Variants in EHBP1 observed in about 807,000 individuals in gnomAD.
EHBP1 encodes EH domain-binding protein 1.
EHBP1 carries 55 observed loss-of-function variants against 144.0 expected under a neutral mutation model. The observed-to-expected ratio is 0.38, with a 90% CI of 0.31 to 0.48. The LOEUF (loss-of-function observed/expected upper bound fraction) is 0.48. EHBP1 is among the 20% of genes least tolerant of loss of function. EHBP1 has a pLI of 0.98. For synonymous variants in EHBP1, 469 were observed against 472.7 expected, an observed-to-expected ratio of 0.99 and a Z score of 0.10; for missense variants, 1,200 against 1,364.2, an observed-to-expected ratio of 0.88 and a Z score of 1.90.
At chr2:62,750,911 A>G (rs573960941) in intron 3 of EHBP1, among the ~76,000 whole-genome samples, 15 of 152,318 alleles carry the variant, frequency 9.8e-5, no homozygotes, top group East Asian at 1.9e-4. Flanking sequence ...TTCTAAATAT[A>G]CAATCATGTC....
At chr2:62,820,737 AATATATATATATATATATATAT>A (rs57039974) in intron 5 of EHBP1, among the ~76,000 whole-genome samples, 39 of 54,644 alleles carry the variant, frequency 7.1e-4, no homozygotes, top group East Asian at 3.6e-3. Flanking sequence ...GTGTGTGTAT[AATATATATATATATATATATAT>A]ATATATATAT....
At chr2:62,919,918 C>G (rs1232358280) in intron 10 of EHBP1, among the ~76,000 whole-genome samples, 1 of 151,938 alleles carries the variant, frequency 6.6e-6, no homozygotes, top group Non-Finnish European at 1.5e-5. Flanking sequence ...TTTGAGCAGG[C>G]AGAAGAGAGA....
intron 1 of EHBP1, among the ~76,000 whole-genome samples, chr2:62,683,426 G>A (rs754971451): frequency 2.6e-5 from 4 of 152,184 alleles, no homozygotes; most frequent in South Asian, 2.1e-4. Flanking sequence ...TTGGGAGGCC[G>A]AGGTGGGTGG....
intron 10 of EHBP1, among the ~76,000 whole-genome samples, chr2:62,880,635 C>T (rs184010362): frequency 6.8e-4 from 103 of 152,118 alleles, no homozygotes; most frequent in African/African-American, 2.2e-3. Flanking sequence ...ATGTGGCCAT[C>T]GAGTATATGA....
Position 62,996,691 on chromosome 2 carries a change from C to A in EHBP1, c.3028C>A (p.Leu1010Ile). 1.9e-6 allele frequency: 3 copies of A among 1,613,344 alleles called. No homozygotes were observed. The highest frequency in any genetic ancestry group is 2.5e-6 in the Non-Finnish European group (3 of 1,179,630). ...SQYVVGELAA[L>I]ENEQKQIDTR... is the part of the protein sequence containing the mutation. Reference sequence around the variant, plus strand: ...GTATGTAGTAGGAGAATTGGCAGCACTAGAGAATGAGCAAAAGCAAATTGA... The same window carrying A: ...GTATGTAGTAGGAGAATTGGCAGCAATAGAGAATGAGCAAAAGCAAATTGA... The change falls in exon 19 of 23, where the codon CTA becomes ATA. Residue 1010 changes from leucine to isoleucine, a missense_variant. Leu to Ile is a conservative substitution (Grantham distance 5, BLOSUM62 2). This residue lies in a region of EHBP1 where 149 missense variants were observed against 217.0 expected (regional missense o/e 0.69). Coordinates refer to ENST00000431489, the MANE Select transcript of EHBP1 (RefSeq NM_001142616.3).
intron 2 of EHBP1, among the ~76,000 whole-genome samples, chr2:62,730,686 CAGAG>C (rs1351345599): frequency 6.8e-6 from 1 of 146,558 alleles, no homozygotes; most frequent in Admixed American, 6.8e-5. Context: ...GAGAGAAGGA[CAGAG>C]AGAGACAGAC....
At chr2:62,783,096 G>C (rs998496424) in intron 5 of EHBP1, among the ~76,000 whole-genome samples, 1 of 152,176 alleles carries the variant, frequency 6.6e-6, no homozygotes, top group Admixed American at 6.5e-5. Flanking sequence ...AAATCCAACA[G>C]GGCAGTCATT....
chr2:62,795,130 G>C (rs1179913086), intron 5 of EHBP1, among the ~76,000 whole-genome samples: 2 of 151,986 alleles, frequency 1.3e-5, no homozygotes, highest in Non-Finnish European at 2.9e-5. Context: ...CACAGGTCAA[G>C]CCTCTTTTAA....
At position 62,729,514 on chromosome 2, in the gene EHBP1, A is replaced by T. The variant is rs12996031; in HGVS notation, c.105-17881A>T. ...ATATAAATATATAATAAATATAATA[A>T]AATAAATAAATATAATATATATAAT... On this transcript the variant is annotated intron_variant, in intron 2 of 22. Coordinates refer to ENST00000431489, the MANE Select transcript of EHBP1 (RefSeq NM_001142616.3). 1.3e-3 allele frequency among the ~76,000 whole-genome samples: 151 copies of T among 113,798 alleles called. 1 individual carries two copies. The highest frequency in any genetic ancestry group is 3.1e-3 in the Admixed American group (27 of 8,746). The allele number at this position is 113,798 out of a possible 152,430, so 74.7% of individuals were successfully genotyped here.
At chr2:62,912,165 G>C (rs540250984) in intron 10 of EHBP1, among the ~76,000 whole-genome samples, 9 of 152,182 alleles carry the variant, frequency 5.9e-5, no homozygotes, top group African/African-American at 2.2e-4. Context: ...AGCTTTTCAA[G>C]ATAGTCATCA....
At chr2:62,981,240 T>C (rs941166622) in intron 15 of EHBP1, among the ~76,000 whole-genome samples, 2 of 152,196 alleles carry the variant, frequency 1.3e-5, no homozygotes, top group Non-Finnish European at 2.9e-5. Flanking sequence ...TTTGCTGTCA[T>C]TTATCATTAA....
chr2:62,985,874 G>A (rs1384494230), intron 15 of EHBP1, among the ~76,000 whole-genome samples: 3 of 152,094 alleles, frequency 2.0e-5, no homozygotes, highest in Non-Finnish European at 2.9e-5. Flanking sequence ...CACCATACAT[G>A]GTATTATAGT....
intron 6 of EHBP1, among the ~76,000 whole-genome samples, chr2:62,830,136 A>G (rs1233797023): frequency 7.8e-6 from 1 of 128,992 alleles, no homozygotes; most frequent in African/African-American, 2.8e-5. Context: ...TGTGGTGCAT[A>G]TATATATATA....
intron 4 of EHBP1, among the ~76,000 whole-genome samples, chr2:62,766,566 C>T (rs975487515): frequency 2.6e-5 from 4 of 152,092 alleles, no homozygotes; most frequent in Non-Finnish European, 5.9e-5. Context: ...CCATTCCTAC[C>T]TCACTTCTGA....
rs183200031 is a variant in EHBP1, at chr2:62,781,511, T to C, written c.312+10119T>C. On this transcript the variant is annotated intron_variant, in intron 5 of 22. Coordinates refer to ENST00000431489, the MANE Select transcript of EHBP1 (RefSeq NM_001142616.3). ...CACTGGGAGTGTGCTGTAGTATATA[T>C]ATGGTAAAGGCATTGTATTTCCTTC... Among the ~76,000 whole-genome samples the C allele has an allele frequency of 2.6e-5, 4 of 152,288 alleles. No individual in the cohort carries two copies. In the East Asian group the frequency reaches 5.8e-4, roughly 22 times the overall value.
chr2:62,821,240 A>G (rs188657797), intron 5 of EHBP1, among the ~76,000 whole-genome samples: 3 of 152,296 alleles, frequency 2.0e-5, no homozygotes, highest in Admixed American at 6.5e-5. Context: ...AAATATTGTA[A>G]TAAAGTCAGC....
chr2:62,837,228 C>G (rs1207810130), intron 7 of EHBP1, among the ~76,000 whole-genome samples: 1 of 144,988 alleles, frequency 6.9e-6, no homozygotes, highest in East Asian at 2.1e-4. Flanking sequence ...AATTTCATAT[C>G]CAGCCAAACT....
intron 10 of EHBP1, among the ~76,000 whole-genome samples, chr2:62,883,199 A>G (rs2051621768): frequency 6.6e-6 from 1 of 152,232 alleles, no homozygotes; most frequent in African/African-American, 2.4e-5. Flanking sequence ...TCACTGTGTC[A>G]TGCTATCTCT....
chr2:62,703,196 T>C (rs1177418714), upstream of EHBP1, among the ~76,000 whole-genome samples: 2 of 151,538 alleles, frequency 1.3e-5, no homozygotes, highest in African/African-American at 4.9e-5. Flanking sequence ...GTTAATAGAC[T>C]TGCTCCTTAA....
Sources: gnomAD v4.1 joint callset for allele counts (sites outside exome capture counted in the v4.1 genomes callset) on GRCh38, gnomAD v4.1.1 for gene constraint, gnomAD v4.1.1 regional missense constraint, MANE v1.5 for transcripts, NCBI Gene and HGNC (gene_info 2026-07-23, HGNC 2026-07-21) for gene names.